MDGA2: variants seen among roughly 807,000 people sequenced by gnomAD.
MDGA2 encodes MAM domain containing glycosylphosphatidylinositol anchor 2, also known as MAM domain-containing glycosylphosphatidylinositol anchor protein 2.
MDGA2 carries 40 observed loss-of-function variants against 117.8 expected under a neutral mutation model. That is an observed-to-expected ratio of 0.34 (90% CI 0.26 to 0.44). The LOEUF (loss-of-function observed/expected upper bound fraction) is 0.44, where lower values mean the gene tolerates loss of function less well. MDGA2 is among the 20% of genes least tolerant of loss of function. MDGA2 has a pLI of 1.00. For missense variants in MDGA2, 1,123 were observed against 1,250.6 expected (o/e 0.90, Z 1.54); for synonymous variants, 452 against 439.0 (o/e 1.03, Z -0.37).
chr14:46,912,556 G>C (rs1393381178), intron 10 of MDGA2, among the ~76,000 whole-genome samples: 1 of 152,186 alleles, frequency 6.6e-6, no homozygotes, highest in Non-Finnish European at 1.5e-5. Context: ...GGGAATACTT[G>C]TAAACATTGA....
At chr14:47,409,233 C>A (rs968260943) in intron 1 of MDGA2, among the ~76,000 whole-genome samples, 5 of 152,118 alleles carry the variant, frequency 3.3e-5, no homozygotes, top group Non-Finnish European at 7.4e-5. Flanking sequence ...GGGAAGAAGC[C>A]AAGAGATTTG....
At chr14:47,509,706 T>G (rs1056984585) in intron 1 of MDGA2, among the ~76,000 whole-genome samples, 3 of 152,220 alleles carry the variant, frequency 2.0e-5, no homozygotes, top group Non-Finnish European at 4.4e-5. Flanking sequence ...AAATTTGTCT[T>G]GCAGTTTGGA....
intron 1 of MDGA2, among the ~76,000 whole-genome samples, chr14:47,422,524 G>A (rs1892600622): frequency 6.6e-6 from 1 of 152,114 alleles, no homozygotes; most frequent in African/African-American, 2.4e-5. Flanking sequence ...AGGATCAAGT[G>A]AAAAAGCTTA....
chr14:46,986,616 A>G (rs910536763), intron 8 of MDGA2, among the ~76,000 whole-genome samples: 1 of 152,150 alleles, frequency 6.6e-6, no homozygotes, highest in Non-Finnish European at 1.5e-5. Flanking sequence ...TGAAATTTCC[A>G]AAAGATAAAT....
chr14:46,954,365 T>A (rs534360455), intron 9 of MDGA2, among the ~76,000 whole-genome samples: 1 of 152,124 alleles, frequency 6.6e-6, no homozygotes, highest in East Asian at 1.9e-4. Flanking sequence ...AAAGTGTATT[T>A]GTTATCTAAG....
chr14:47,663,857 G>C (rs933607659), intron 1 of MDGA2, among the ~76,000 whole-genome samples: 1 of 151,970 alleles, frequency 6.6e-6, no homozygotes, highest in Admixed American at 6.6e-5. Context: ...TTTATAAACT[G>C]CTGTTTTCCA....
intron 8 of MDGA2, among the ~76,000 whole-genome samples, chr14:46,977,090 G>A (rs576421160): frequency 6.6e-6 from 1 of 151,692 alleles, no homozygotes; most frequent in Non-Finnish European, 1.5e-5. Context: ...TTATAAAATA[G>A]ATATTTACAG....
At chr14:47,630,733 C>A (rs529308235) in intron 1 of MDGA2, among the ~76,000 whole-genome samples, 1 of 152,222 alleles carries the variant, frequency 6.6e-6, no homozygotes, top group Admixed American at 6.5e-5. Flanking sequence ...CTGTTGCATT[C>A]CAATGAAGTC....
At chr14:47,380,947 T>C (rs914474914) in intron 1 of MDGA2, among the ~76,000 whole-genome samples, 3 of 152,244 alleles carry the variant, frequency 2.0e-5, no homozygotes, top group East Asian at 1.9e-4. Flanking sequence ...TGAACACCGA[T>C]GCAAAAATCC....
intron 1 of MDGA2, among the ~76,000 whole-genome samples, chr14:47,573,175 C>T (rs567543624): frequency 2.4e-4 from 36 of 152,198 alleles, no homozygotes; most frequent in Admixed American, 1.8e-3. Context: ...TTTTACACCC[C>T]TGGAAACATT....
chr14:47,293,852 A>G (rs1020995794), intron 2 of MDGA2, among the ~76,000 whole-genome samples: 2 of 152,172 alleles, frequency 1.3e-5, no homozygotes, highest in African/African-American at 4.8e-5. Context: ...TGAGAGTAAA[A>G]AGTATTAGCA....
At chr14:46,871,871 G>C (rs1882014800) in intron 14 of MDGA2, 1 of 377,454 alleles carries the variant, frequency 2.6e-6, no homozygotes, top group Non-Finnish European at 5.6e-6. Context: ...TTTCTGGCTG[G>C]GCACAATGAC....
intron 1 of MDGA2, among the ~76,000 whole-genome samples, chr14:47,453,504 A>G (rs935736355): frequency 1.2e-4 from 18 of 152,140 alleles, no homozygotes; most frequent in Admixed American, 3.3e-4. Context: ...TCCCTCACAT[A>G]GTAAATTCTG....
chr14:47,018,256 CATG>C (rs1452257568), intron 8 of MDGA2, among the ~76,000 whole-genome samples: 1 of 151,718 alleles, frequency 6.6e-6, no homozygotes, highest in African/African-American at 2.4e-5. Context: ...AATTGCTATA[CATG>C]ATAAGTAGGA....
At chr14:47,657,385 G>C (rs1223096208) in intron 1 of MDGA2, among the ~76,000 whole-genome samples, 1 of 152,150 alleles carries the variant, frequency 6.6e-6, no homozygotes, top group Non-Finnish European at 1.5e-5. Flanking sequence ...CAAAAGGGAA[G>C]AAGCCGTAGT....
chr14:46,930,992 G>A (rs911358476), intron 9 of MDGA2, among the ~76,000 whole-genome samples: 6 of 151,966 alleles, frequency 3.9e-5, no homozygotes, highest in East Asian at 1.9e-4. Context: ...CGAGGCGGGC[G>A]GATCACGAGG....
chr14:47,404,497 TA>T (rs34336561), intron 1 of MDGA2, among the ~76,000 whole-genome samples: 46,640 of 146,846 alleles, frequency 0.32, 7,556 homozygotes, highest in South Asian at 0.43. Flanking sequence ...ATACCAAGTT[TA>T]AAAAAAAAAA....
chr14:47,599,602 A>T (rs558106767), intron 1 of MDGA2, among the ~76,000 whole-genome samples: 1 of 152,292 alleles, frequency 6.6e-6, no homozygotes. Context: ...CTTTGACAAC[A>T]TTTCCTGCAT....
intron 1 of MDGA2, among the ~76,000 whole-genome samples, chr14:47,406,298 A>G (rs1892259646): frequency 6.6e-6 from 1 of 152,124 alleles, no homozygotes; most frequent in African/African-American, 2.4e-5. Context: ...AGTTCATTCC[A>G]GCATCCTTTA....
Sources: allele counts gnomAD v4.1 joint callset (sites outside exome capture counted in the v4.1 genomes callset), GRCh38; gene constraint gnomAD v4.1.1; transcripts MANE v1.5; gene names NCBI Gene and HGNC (gene_info 2026-07-23, HGNC 2026-07-21).